The following GLIS3 variants were observed in gnomAD, a reference collection of about 807,000 sequenced individuals.
GLIS3 encodes the protein zinc finger protein GLIS3.
Under a neutral mutation model 78.6 loss-of-function variants are expected in GLIS3, and 53 were observed. The ratio of observed to expected loss-of-function variants is 0.67; its 90% confidence interval spans 0.54 to 0.85. The LOEUF (loss-of-function observed/expected upper bound fraction) is 0.85, where lower values mean the gene tolerates loss of function less well. GLIS3 is among the 40% of genes least tolerant of loss of function. The pLI, the probability that GLIS3 is intolerant of heterozygous loss-of-function variation, is 0.00. For synonymous variants in GLIS3, 684 were observed against 509.9 expected (o/e 1.34, Z -4.60); for missense variants, 1,703 against 1,231.1 (o/e 1.38, Z -5.74).
At chr9:4,164,740 T>C (rs939081152) in intron 2 of GLIS3, among the ~76,000 whole-genome samples, 2 of 152,058 alleles carry the variant, frequency 1.3e-5, no homozygotes, top group Admixed American at 6.6e-5. Flanking sequence ...GCAAAAGATA[T>C]TGTATAAAGT....
At chr9:4,390,895 ACC>A in the GLIS3 span, among the ~76,000 whole-genome samples, 1 of 152,194 alleles carries the variant, frequency 6.6e-6, no homozygotes, top group Admixed American at 6.5e-5. Flanking sequence ...CAGGAATCGT[ACC>A]TTTTTAAAAA....
the GLIS3 span, among the ~76,000 whole-genome samples, chr9:4,369,503 C>T: frequency 5.3e-5 from 8 of 152,260 alleles, no homozygotes; most frequent in Admixed American, 2.0e-4. Context: ...ACCATATGAT[C>T]AAAATTGTCT....
At chr9:3,931,712 C>A (rs1825630948) in intron 6 of GLIS3, among the ~76,000 whole-genome samples, 1 of 152,130 alleles carries the variant, frequency 6.6e-6, no homozygotes, top group African/African-American at 2.4e-5. Flanking sequence ...GCCAGGTGGA[C>A]AGGATGGTTG....
intron 4 of GLIS3, among the ~76,000 whole-genome samples, chr9:4,054,954 G>A (rs945619222): frequency 2.0e-5 from 3 of 152,086 alleles, no homozygotes; most frequent in African/African-American, 7.3e-5. Flanking sequence ...AGCTACAAAT[G>A]AGCCTTCCTG....
intron 2 of GLIS3, among the ~76,000 whole-genome samples, chr9:4,232,125 G>A (rs999323791): frequency 7.9e-5 from 12 of 152,102 alleles, no homozygotes; most frequent in Admixed American, 2.0e-4. Context: ...CACCTGTAAT[G>A]CCAGCACTTT....
chr9:3,841,362 C>T (rs1202829436), intron 9 of GLIS3, among the ~76,000 whole-genome samples: 11 of 152,100 alleles, frequency 7.2e-5, no homozygotes, highest in African/African-American at 9.7e-5. Context: ...CCTGAGGGTC[C>T]GAGATGGATC....
At chr9:3,829,075 G>C (rs1817887085) in intron 10 of GLIS3, among the ~76,000 whole-genome samples, 1 of 152,156 alleles carries the variant, frequency 6.6e-6, no homozygotes, top group African/African-American at 2.4e-5. Context: ...TTACTGGAAG[G>C]TTATGGCCAT....
chr9:4,101,828 T>C (rs904316466), intron 4 of GLIS3, among the ~76,000 whole-genome samples: 1 of 152,194 alleles, frequency 6.6e-6, no homozygotes, highest in Non-Finnish European at 1.5e-5. Context: ...CTGTATCTCA[T>C]GCCATCTTGC....
At chr9:4,183,666 C>T (rs1175480076) in intron 2 of GLIS3, among the ~76,000 whole-genome samples, 1 of 152,182 alleles carries the variant, frequency 6.6e-6, no homozygotes, top group African/African-American at 2.4e-5. Context: ...TCAGCTTCAA[C>T]TTAATATGTT....
intron 9 of GLIS3, among the ~76,000 whole-genome samples, chr9:3,854,247 T>C (rs961760707): frequency 6.6e-6 from 1 of 152,218 alleles, no homozygotes; most frequent in Non-Finnish European, 1.5e-5. Context: ...TGATGCCTTG[T>C]CTTGTGCACA....
At chr9:4,342,137 T>C (rs1195791621) in intron 2 of GLIS3, among the ~76,000 whole-genome samples, 1 of 152,214 alleles carries the variant, frequency 6.6e-6, no homozygotes, top group Admixed American at 6.5e-5. Flanking sequence ...TTATTGCTTT[T>C]GGCACTTTTG....
intron 2 of GLIS3, among the ~76,000 whole-genome samples, chr9:4,322,654 A>G (rs1817551561): frequency 6.6e-6 from 1 of 152,162 alleles, no homozygotes; most frequent in Non-Finnish European, 1.5e-5. Flanking sequence ...CATTTCTCTG[A>G]TGACCAGTGA....
At chr9:4,409,644 T>G in the GLIS3 span, among the ~76,000 whole-genome samples, 5 of 152,178 alleles carry the variant, frequency 3.3e-5, no homozygotes, top group African/African-American at 1.2e-4. Context: ...TCTAGTAATT[T>G]CAAACAAATT....
chr9:4,412,386 C>G, the GLIS3 span, among the ~76,000 whole-genome samples: 1 of 152,176 alleles, frequency 6.6e-6, no homozygotes, highest in Non-Finnish European at 1.5e-5. Context: ...ATTCTTGGGA[C>G]TAAAAGCATC....
chr9:4,243,873 T>G (rs1823557501), intron 2 of GLIS3, among the ~76,000 whole-genome samples: 1 of 152,160 alleles, frequency 6.6e-6, no homozygotes, highest in Non-Finnish European at 1.5e-5. Flanking sequence ...TACAGGAAGA[T>G]TTCCTTCATG....
intron 4 of GLIS3, among the ~76,000 whole-genome samples, chr9:4,108,539 C>A (rs767125856): frequency 1.3e-5 from 2 of 152,186 alleles, no homozygotes; most frequent in African/African-American, 2.4e-5. Context: ...CAAATCCATT[C>A]TCTTGGCTAA....
chr9:4,414,231 G>A, the GLIS3 span, among the ~76,000 whole-genome samples: 5 of 152,126 alleles, frequency 3.3e-5, no homozygotes, highest in East Asian at 7.7e-4. Flanking sequence ...AAATGTAGCA[G>A]GGAAGGACAG....
At chr9:3,970,612 T>C (rs1284475821) in intron 4 of GLIS3, among the ~76,000 whole-genome samples, 1 of 152,200 alleles carries the variant, frequency 6.6e-6, no homozygotes, top group Non-Finnish European at 1.5e-5. Flanking sequence ...AAGAACTATC[T>C]GGCTGAAAAT....
intron 4 of GLIS3, among the ~76,000 whole-genome samples, chr9:4,092,340 G>C (rs1829589559): frequency 6.6e-6 from 1 of 151,764 alleles, no homozygotes; most frequent in Non-Finnish European, 1.5e-5. Flanking sequence ...TTTTAGTAGA[G>C]ACAGGGTTTC....
Sources: allele counts gnomAD v4.1 joint callset (sites outside exome capture counted in the v4.1 genomes callset), GRCh38; gene constraint gnomAD v4.1.1; transcripts MANE v1.5; gene names NCBI Gene and HGNC (gene_info 2026-07-23, HGNC 2026-07-21).